Variants in UNC13C observed in about 807,000 individuals in gnomAD.
UNC13C encodes the protein protein unc-13 homolog C.
In UNC13C, 174 loss-of-function variants were observed where a neutral mutation model predicts 245.4. That is an observed-to-expected ratio of 0.71 (90% CI 0.63 to 0.80). The LOEUF is 0.80. Ranked by LOEUF, UNC13C falls within the 30% of genes least tolerant of loss-of-function variation. UNC13C has a pLI of 0.00. For synonymous variants in UNC13C, 992 were observed against 895.1 expected (o/e 1.11, Z -1.93); for missense variants, 2,829 against 2,602.9 (o/e 1.09, Z -1.89).
the UNC13C span, among the ~76,000 whole-genome samples, chr15:53,884,832 A>C: frequency 3.9e-4 from 59 of 152,054 alleles, no homozygotes; most frequent in Admixed American, 1.4e-3. Flanking sequence ...CTTTACTCCT[A>C]CTGCTGCTAC....
At chr15:54,160,807 G>A (rs1049447006) in intron 4 of UNC13C, among the ~76,000 whole-genome samples, 7 of 152,104 alleles carry the variant, frequency 4.6e-5, no homozygotes, top group Non-Finnish European at 1.0e-4. Context: ...TTGGTCATTA[G>A]TAATTGTTTC....
chr15:54,247,565 C>T (rs1343145670), intron 7 of UNC13C, among the ~76,000 whole-genome samples: 4 of 152,070 alleles, frequency 2.6e-5, no homozygotes, highest in Admixed American at 1.3e-4. Flanking sequence ...AATACATGCC[C>T]ATACCCCCGA....
At chr15:54,541,358 G>A (rs1005370159) in intron 26 of UNC13C, among the ~76,000 whole-genome samples, 15 of 151,984 alleles carry the variant, frequency 9.9e-5, no homozygotes, top group Admixed American at 2.0e-4. Flanking sequence ...TATAATTTCC[G>A]AGTCCAAAAG....
intron 30 of UNC13C, among the ~76,000 whole-genome samples, chr15:54,586,739 G>C (rs1481193377): frequency 6.6e-6 from 1 of 152,194 alleles, no homozygotes; most frequent in Middle Eastern, 3.2e-3. Context: ...TGCAAGTAAT[G>C]CAAGTTGCAA....
chr15:54,297,145 C>G, intron 11 of UNC13C, among the ~76,000 whole-genome samples: 1 of 152,052 alleles, frequency 6.6e-6, no homozygotes, highest in East Asian at 1.9e-4. Context: ...AAAATAATTT[C>G]CTATTTATAC....
At chr15:54,091,864 T>G (rs1899592734) in intron 2 of UNC13C, among the ~76,000 whole-genome samples, 1 of 152,226 alleles carries the variant, frequency 6.6e-6, no homozygotes, top group Non-Finnish European at 1.5e-5. Flanking sequence ...TCGTTGAGAT[T>G]TATTCCTTAA....
At chr15:54,545,924 G>A (rs1896463783) in intron 26 of UNC13C, among the ~76,000 whole-genome samples, 1 of 152,102 alleles carries the variant, frequency 6.6e-6, no homozygotes, top group Non-Finnish European at 1.5e-5. Context: ...ATTCCTCAAG[G>A]ATCTAGAACT....
At chr15:54,615,117 A>G (rs947211920) in intron 30 of UNC13C, among the ~76,000 whole-genome samples, 2 of 152,056 alleles carry the variant, frequency 1.3e-5, no homozygotes, top group African/African-American at 4.8e-5. Context: ...TTTCGTGGGT[A>G]CATGAGATGT....
intron 1 of UNC13C, among the ~76,000 whole-genome samples, chr15:54,004,202 T>C (rs917672240): frequency 2.0e-5 from 3 of 152,176 alleles, no homozygotes; most frequent in African/African-American, 7.2e-5. Flanking sequence ...TTCTACTTTC[T>C]ATCTCCATGA....
At chr15:54,201,224 C>A (rs773059390) in intron 4 of UNC13C, among the ~76,000 whole-genome samples, 1 of 151,934 alleles carries the variant, frequency 6.6e-6, no homozygotes, top group Non-Finnish European at 1.5e-5. Context: ...TAGCTGAATT[C>A]TATCAGACAT....
In UNC13C at chr15:54,130,287, A is replaced by ATTTTTT. The variant is rs71824258; in HGVS notation, c.2984-12715_2984-12710dup. On this transcript the variant is annotated intron_variant, in intron 2 of 32. Transcript: ENST00000260323. ...TTCTTCGTGGCCAGGTAGATAATTA[A>ATTTTTT]TTTTTTTTTTTTTTTTTTTTTGTGA... Among the ~76,000 whole-genome samples the ATTTTTT allele has an allele frequency of 3.4e-3, 275 of 81,204 alleles. 1 individual carries two copies. Among genetic ancestry groups the ATTTTTT allele is most frequent in the Middle Eastern group, 0.013 (1 of 76 alleles). The allele number at this position is 81,204 out of a possible 152,430, so 53.3% of individuals were successfully genotyped here.
chr15:54,358,557 CTATTTTA>C (rs1191113312), intron 17 of UNC13C, among the ~76,000 whole-genome samples: 7 of 151,714 alleles, frequency 4.6e-5, no homozygotes, highest in African/African-American at 7.3e-5. Flanking sequence ...AAATGTATCA[CTATTTTA>C]TATTTTATAA....
intron 31 of UNC13C, 63 bp from the exon 32 acceptor site, chr15:54,623,732 T>C (rs763715190): frequency 2.7e-4 from 404 of 1,498,848 alleles, no homozygotes; most frequent in Admixed American, 2.3e-3. Flanking sequence ...AAATCACTTT[T>C]AAAATTTCAC....
intron 28 of UNC13C, among the ~76,000 whole-genome samples, chr15:54,552,244 AATTAT>A (rs930112914): frequency 2.0e-4 from 27 of 136,386 alleles, no homozygotes; most frequent in Non-Finnish European, 3.1e-4. Context: ...TATTATATAT[AATTAT>A]ATTATATATT....
chr15:54,268,410 A>G (rs780245399), intron 10 of UNC13C, among the ~76,000 whole-genome samples: 2 of 152,118 alleles, frequency 1.3e-5, no homozygotes, highest in Middle Eastern at 3.4e-3. Context: ...TCTATGTCCA[A>G]TCTTGGTCAC....
intron 8 of UNC13C, among the ~76,000 whole-genome samples, chr15:54,251,495 C>A (rs2036152090): frequency 6.6e-6 from 1 of 152,146 alleles, no homozygotes; most frequent in South Asian, 2.1e-4. Flanking sequence ...TGAGTACATG[C>A]CACTTTGGTT....
intron 4 of UNC13C, among the ~76,000 whole-genome samples, chr15:54,174,152 C>T (rs1002529415): frequency 3.3e-5 from 5 of 151,918 alleles, no homozygotes; most frequent in African/African-American, 9.7e-5. Context: ...GGCAATTGGT[C>T]GCTAGTTCTC....
chr15:53,886,158 A>G, the UNC13C span, among the ~76,000 whole-genome samples: 2 of 152,190 alleles, frequency 1.3e-5, no homozygotes, highest in Non-Finnish European at 2.9e-5. Context: ...TATATATAAG[A>G]AATGACACCT....
chr15:54,051,275 A>G (rs1379116236), intron 2 of UNC13C, among the ~76,000 whole-genome samples: 4 of 151,992 alleles, frequency 2.6e-5, no homozygotes, highest in Non-Finnish European at 4.4e-5. Flanking sequence ...ATGCATTTGG[A>G]GTTTATTCTG....
Sources: gnomAD v4.1 joint callset for allele counts (sites outside exome capture counted in the v4.1 genomes callset) on GRCh38, gnomAD v4.1.1 for gene constraint, MANE v1.5 for transcripts, NCBI Gene and HGNC (gene_info 2026-07-23, HGNC 2026-07-21) for gene names.